NEGR1: variants seen among roughly 807,000 people sequenced by gnomAD.
NEGR1 encodes the protein IgLON family member 4.
NEGR1 carries 10 observed loss-of-function variants against 40.9 expected under a neutral mutation model. The ratio of observed to expected loss-of-function variants is 0.24; its 90% CI spans 0.15 to 0.42. NEGR1 has a LOEUF of 0.42. Ranked by LOEUF, NEGR1 falls within the 10% of genes least tolerant of loss-of-function variation. The pLI, the probability that NEGR1 is intolerant of heterozygous loss-of-function variation, is 1.00. For missense variants in NEGR1, 352 were observed against 438.9 expected (o/e 0.80, Z 1.77); for synonymous variants, 185 against 166.8 (o/e 1.11, Z -0.84).
chr1:71,398,996 C>G lies in NEGR1; in HGVS notation c.*8450G>C, dbSNP rs1482628594. 2 of 152,626 alleles carry G rather than the reference C, an allele frequency of 1.3e-5. No homozygotes were observed. The highest frequency in any genetic ancestry group is 2.9e-5 in the Non-Finnish European group (2 of 68,456). The allele number at this position is 152,626 out of a possible 1,614,324, so 9.5% of individuals were successfully genotyped here. Reference sequence around the variant, plus strand: ...ACTGTGATTGTGAGGCTTCCCCAGCCACATGGAACTGTAGGTCCAAAAAAA... The same window carrying G: ...ACTGTGATTGTGAGGCTTCCCCAGCGACATGGAACTGTAGGTCCAAAAAAA... On this transcript the variant is annotated 3_prime_UTR_variant, in exon 7 of 7. Coordinates refer to ENST00000357731, the MANE Select transcript of NEGR1 (RefSeq NM_173808.3).
chr1:71,729,582 T>C (rs577454908), intron 3 of NEGR1, among the ~76,000 whole-genome samples: 3 of 152,182 alleles, frequency 2.0e-5, no homozygotes, highest in East Asian at 3.9e-4. Context: ...ATCTAAGAGA[T>C]TTGCATTGGT....
At chr1:72,065,800 A>T (rs1447151794) in intron 1 of NEGR1, among the ~76,000 whole-genome samples, 1 of 152,134 alleles carries the variant, frequency 6.6e-6, no homozygotes, top group African/African-American at 2.4e-5. Flanking sequence ...ACATTACTGC[A>T]TATAATGCTC....
At chr1:71,766,425 A>G (rs1656134591) in intron 3 of NEGR1, among the ~76,000 whole-genome samples, 2 of 152,218 alleles carry the variant, frequency 1.3e-5, no homozygotes, top group South Asian at 4.1e-4. Flanking sequence ...CAAAACATTA[A>G]GCATACGGAA....
At chr1:71,964,465 C>A (rs1646194097) in intron 1 of NEGR1, among the ~76,000 whole-genome samples, 1 of 152,136 alleles carries the variant, frequency 6.6e-6, no homozygotes, top group Non-Finnish European at 1.5e-5. Flanking sequence ...AATCCACAGT[C>A]CTAGCTGAGG....
rs748648089 is a variant in NEGR1, at chr1:71,400,631, TTAGA to T, written c.*6811_*6814del. On this transcript the variant is annotated 3_prime_UTR_variant, in exon 7 of 7. Transcript: ENST00000357731. ...AGGAGTAATTAAAAAACATAGATTA[TTAGA>T]TAGATAGGTTACTTGGGTTTTTTTT... The T allele has an allele frequency of 1.1e-4, 17 of 151,998 alleles. No individual in the cohort carries two copies. Among genetic ancestry groups the T allele is most frequent in the Non-Finnish European group, 2.5e-4 (17 of 67,984 alleles). 9.4% of individuals were successfully genotyped at this position (151,998 alleles called of 1,614,324 possible).
chr1:72,034,140 G>C (rs899194775), intron 1 of NEGR1, among the ~76,000 whole-genome samples: 10 of 152,120 alleles, frequency 6.6e-5, no homozygotes, highest in African/African-American at 2.4e-4. Flanking sequence ...TAAATGTGTA[G>C]AATTTTTTTT....
intron 1 of NEGR1, among the ~76,000 whole-genome samples, chr1:72,033,036 A>G (rs1036815559): frequency 5.3e-5 from 8 of 152,154 alleles, no homozygotes; most frequent in African/African-American, 1.9e-4. Context: ...CTAGAAATTA[A>G]AAAAACTGTA....
At chr1:71,789,899 T>C (rs1322275036) in intron 2 of NEGR1, among the ~76,000 whole-genome samples, 1 of 152,116 alleles carries the variant, frequency 6.6e-6, no homozygotes. Flanking sequence ...TTTTATTCTG[T>C]ATTTTTGCAT....
chr1:71,874,098 T>G lies in NEGR1; in HGVS notation c.409+60981A>C, dbSNP rs984312543. ...TGTTCAAGTATCCTAATAGGTTTGG[T>G]GCATGCTGAACTATTCTTCTGCAAT... On this transcript the variant is annotated intron_variant, in intron 2 of 6. Coordinates refer to ENST00000357731, the MANE Select transcript of NEGR1 (RefSeq NM_173808.3). Among the ~76,000 whole-genome samples, 4 of 152,326 alleles carry G rather than the reference T, an allele frequency of 2.6e-5. No homozygotes were observed. The East Asian group carries it at 7.7e-4, about 29-fold the overall frequency.
intron 1 of NEGR1, among the ~76,000 whole-genome samples, chr1:72,158,567 T>C (rs1651444511): frequency 6.6e-6 from 1 of 152,184 alleles, no homozygotes; most frequent in Non-Finnish European, 1.5e-5. Flanking sequence ...ATCCCTGGCA[T>C]TTTCTGTTCT....
intron 3 of NEGR1, among the ~76,000 whole-genome samples, chr1:71,746,735 C>T (rs1049883788): frequency 1.4e-5 from 2 of 147,316 alleles, no homozygotes; most frequent in African/African-American, 2.6e-5. Context: ...CACACATACA[C>T]ACACATGTAC....
intron 3 of NEGR1, among the ~76,000 whole-genome samples, chr1:71,710,139 C>G (rs187283594): frequency 1.3e-5 from 2 of 152,246 alleles, no homozygotes; most frequent in East Asian, 3.9e-4. Context: ...TTTGAAAAGG[C>G]AATCAACATC....
intron 2 of NEGR1, among the ~76,000 whole-genome samples, chr1:71,866,281 C>A (rs1027014966): frequency 9.9e-5 from 15 of 152,162 alleles, no homozygotes; most frequent in African/African-American, 3.4e-4. Flanking sequence ...CCTAAGTAGA[C>A]CATTAGCAAT....
At chr1:71,805,942 G>A (rs1428949401) in intron 2 of NEGR1, among the ~76,000 whole-genome samples, 1 of 152,054 alleles carries the variant, frequency 6.6e-6, no homozygotes, top group Non-Finnish European at 1.5e-5. Flanking sequence ...TATGAAGTAA[G>A]GATTTCAATC....
intron 1 of NEGR1, among the ~76,000 whole-genome samples, chr1:72,014,114 T>A (rs2100407887): frequency 6.6e-6 from 1 of 152,004 alleles, no homozygotes; most frequent in Admixed American, 6.6e-5. Flanking sequence ...CAACTTTTTT[T>A]GTATGCAGAT....
At chr1:71,870,308 C>G (rs942256267) in intron 2 of NEGR1, among the ~76,000 whole-genome samples, 1 of 152,086 alleles carries the variant, frequency 6.6e-6, no homozygotes, top group Non-Finnish European at 1.5e-5. Context: ...CTACAAAAAG[C>G]TATAGTTTTT....
intron 1 of NEGR1, among the ~76,000 whole-genome samples, chr1:72,105,938 C>T (rs1649117275): frequency 6.6e-6 from 1 of 151,976 alleles, no homozygotes; most frequent in African/African-American, 2.4e-5. Context: ...AAACAAAATA[C>T]AACATTCATA....
rs375765281 is a variant in NEGR1 at position 71,963,940 on chromosome 1, T to A, written c.177-28629A>T. Among the ~76,000 whole-genome samples the A allele has an allele frequency of 7.2e-5, 11 of 152,314 alleles. No homozygotes were observed. The East Asian group carries it at 1.7e-3, about 24-fold the overall frequency. On this transcript the variant is annotated intron_variant, in intron 1 of 6. Transcript: ENST00000357731. ...TGATTAACACAGCTGTACTCAGGAA[T>A]CATTTTTCTACATTACATCAGACTC...
At position 72,093,329 on chromosome 1, in the gene NEGR1, C is replaced by CAAAAAAAAAAAAAAAAA. The variant is rs11370565; in HGVS notation, c.177-158019_177-158018insTTTTTTTTTTTTTTTTT. Among the ~76,000 whole-genome samples the CAAAAAAAAAAAAAAAAA allele has an allele frequency of 5.5e-4, 65 of 118,812 alleles. 2 individuals are homozygous for CAAAAAAAAAAAAAAAAA. Among genetic ancestry groups the CAAAAAAAAAAAAAAAAA allele is most frequent in the Middle Eastern group, 4.4e-3 (1 of 228 alleles). The allele number at this position is 118,812 out of a possible 152,430, so 77.9% of individuals were successfully genotyped here. A position where few individuals can be genotyped will look rare whatever the true frequency, so the allele number is the denominator to read the frequency against. ...CTGGTGCCAGAGCTAGACTCTGCCT[C>CAAAAAAAAAAAAAAAAA]AAAAAAAAAAAAAAGATGCTCAAAT... On this transcript the variant is annotated intron_variant, in intron 1 of 6. Transcript: ENST00000357731.
Sources: gnomAD v4.1 joint callset for allele counts (sites outside exome capture counted in the v4.1 genomes callset) on GRCh38, gnomAD v4.1.1 for gene constraint, MANE v1.5 for transcripts, NCBI Gene and HGNC (gene_info 2026-07-23, HGNC 2026-07-21) for gene names.